RUNX1T1: variants seen among roughly 807,000 people sequenced by gnomAD.
RUNX1T1 encodes RUNX1 partner transcriptional co-repressor 1, also known as protein CBFA2T1.
RUNX1T1 carries 4 observed loss-of-function variants against 62.8 expected under a neutral mutation model. That is an observed-to-expected ratio of 0.06 (90% CI 0.03 to 0.15). The LOEUF (loss-of-function observed/expected upper bound fraction) is 0.15, where lower values mean the gene tolerates loss of function less well. Ranked by LOEUF, RUNX1T1 falls within the 10% of genes least tolerant of loss-of-function variation. The pLI is 1.00. For missense variants in RUNX1T1, 508 were observed against 754.3 expected (o/e 0.67, Z 3.82); for synonymous variants, 291 against 286.0 (o/e 1.02, Z -0.18).
intron 1 of RUNX1T1, among the ~76,000 whole-genome samples, chr8:92,028,874 A>C (rs1238601790): frequency 1.3e-5 from 2 of 152,230 alleles, no homozygotes; most frequent in African/African-American, 2.4e-5. Flanking sequence ...GTAAAAAAAA[A>C]CAAACAAAAA....
chr8:91,992,306 C>T (rs1401856400), intron 5 of RUNX1T1, among the ~76,000 whole-genome samples: 4 of 152,162 alleles, frequency 2.6e-5, no homozygotes, highest in African/African-American at 7.2e-5. Context: ...ACTTAAGGTA[C>T]ACCTATTCCA....
intron 10 of RUNX1T1, among the ~76,000 whole-genome samples, chr8:91,965,915 A>G (rs1204864062): frequency 1.3e-5 from 2 of 151,864 alleles, no homozygotes; most frequent in Non-Finnish European, 2.9e-5. Flanking sequence ...CTTTTCTTTT[A>G]ATAAAATACT....
At chr8:92,000,119 A>T (rs943290637) in intron 5 of RUNX1T1, among the ~76,000 whole-genome samples, 5 of 152,110 alleles carry the variant, frequency 3.3e-5, no homozygotes, top group African/African-American at 1.2e-4. Context: ...CGGCCTGGCC[A>T]ATATGGTGAA....
chr8:92,082,127 C>T (rs1053886443), intron 1 of RUNX1T1, among the ~76,000 whole-genome samples: 23 of 152,096 alleles, frequency 1.5e-4, no homozygotes, highest in Admixed American at 4.6e-4. Context: ...CCTCGTGATC[C>T]GCCCGCCTCA....
Position 91,959,412 on chromosome 8 carries a change from T to TTC in RUNX1T1, c.*829_*830insGA, listed in dbSNP as rs59769893. 518 of 139,430 alleles carry TTC rather than the reference T, an allele frequency of 3.7e-3. 25 individuals carry two copies. Among genetic ancestry groups the TTC allele is most frequent in the African/African-American group, 0.022 (466 of 21,044 alleles). 8.6% of individuals were successfully genotyped at this position (139,430 alleles called of 1,614,324 possible). A position where few individuals can be genotyped will look rare whatever the true frequency, so the allele number is the denominator to read the frequency against. ...ATTAACTGCAGGCTGAGTCTCTTAC[T>TTC]TGTGTGTGTGTGTGTGTGTGTGTGT... On this transcript the variant is annotated 3_prime_UTR_variant, in exon 11 of 11. Coordinates refer to ENST00000396218, the Ensembl canonical transcript of RUNX1T1.
At chr8:92,060,690 C>G (rs1289898095) in intron 1 of RUNX1T1, among the ~76,000 whole-genome samples, 1 of 151,072 alleles carries the variant, frequency 6.6e-6, no homozygotes, top group Non-Finnish European at 1.5e-5. Context: ...ATAAAACCTG[C>G]CCAAGATGGC....
intron 8 of RUNX1T1, among the ~76,000 whole-genome samples, chr8:91,978,086 A>T (rs1814378246): frequency 6.7e-6 from 1 of 150,218 alleles, no homozygotes; most frequent in Admixed American, 6.7e-5. Context: ...GCCTATAAAC[A>T]TTTTTTTTTT....
At chr8:92,091,756 G>A (rs1203334295) in intron 1 of RUNX1T1, among the ~76,000 whole-genome samples, 1 of 152,068 alleles carries the variant, frequency 6.6e-6, no homozygotes, top group Admixed American at 6.6e-5. Context: ...CTGTTCTTTG[G>A]GCTTGAAACT....
chr8:92,018,137 A>G (rs934102578), intron 1 of RUNX1T1, among the ~76,000 whole-genome samples: 1 of 152,172 alleles, frequency 6.6e-6, no homozygotes, highest in African/African-American at 2.4e-5. Context: ...GATATGAAGA[A>G]ATTTCCTGAT....
chr8:92,092,116 C>T (rs1837117055), intron 1 of RUNX1T1, among the ~76,000 whole-genome samples: 1 of 152,164 alleles, frequency 6.6e-6, no homozygotes. Context: ...CAGTATTGAA[C>T]CTCATCCAAA....
At chr8:92,078,089 G>A (rs566853157) in intron 1 of RUNX1T1, among the ~76,000 whole-genome samples, 7 of 151,888 alleles carry the variant, frequency 4.6e-5, no homozygotes, top group East Asian at 3.9e-4. Context: ...TTAACATAGT[G>A]TACAAATACA....
In RUNX1T1 at chr8:92,034,795, T is replaced by TACACACAC. The variant is rs763510689; in HGVS notation, c.8-17433_8-17432insGTGTGTGT. 4.9e-4 allele frequency among the ~76,000 whole-genome samples: 36 copies of TACACACAC among 73,470 alleles called. 1 individual carries two copies. Among genetic ancestry groups the TACACACAC allele is most frequent in the Non-Finnish European group, 5.5e-4 (18 of 32,890 alleles). The allele number at this position is 73,470 out of a possible 152,430, so 48.2% of individuals were successfully genotyped here. ...ATATATACACATATATATATACATA[T>TACACACAC]ATACACACACACACACACACACACA... is the stretch of plus-strand genomic sequence containing the variant. On this transcript the variant is annotated intron_variant, in intron 1 of 10. Coordinates refer to ENST00000396218, the Ensembl canonical transcript of RUNX1T1.
intron 3 of RUNX1T1, 62 bp from the exon 5 acceptor site, chr8:92,011,153 CAAAT>C (rs769005289): frequency 1.1e-6 from 1 of 897,728 alleles, no homozygotes; most frequent in African/African-American, 1.7e-5. Context: ...AAAACACAAA[CAAAT>C]TAATTATTAA....
chr8:92,060,101 T>C (rs1416617433), intron 1 of RUNX1T1, among the ~76,000 whole-genome samples: 1 of 152,170 alleles, frequency 6.6e-6, no homozygotes, highest in Non-Finnish European at 1.5e-5. Context: ...AACAATATAA[T>C]GCCCAAGGTC....
At chr8:92,022,351 C>T (rs1328378238) in intron 1 of RUNX1T1, among the ~76,000 whole-genome samples, 1 of 152,100 alleles carries the variant, frequency 6.6e-6, no homozygotes, top group Non-Finnish European at 1.5e-5. Context: ...TTCAACTTTG[C>T]AACTAACTTA....
intron 1 of RUNX1T1, 111 bp from the exon 3 acceptor site, chr8:92,017,474 A>G: frequency 3.8e-6 from 6 of 1,568,694 alleles, no homozygotes; most frequent in Non-Finnish European, 5.2e-6. Flanking sequence ...AACATCTTCT[A>G]TCAATAAAAT....
chr8:92,085,967 T>C (rs1318561845), intron 1 of RUNX1T1, among the ~76,000 whole-genome samples: 1 of 152,210 alleles, frequency 6.6e-6, no homozygotes, highest in East Asian at 1.9e-4. Flanking sequence ...GTAAAATGGA[T>C]AGACATTTCT....
At chr8:91,961,379 G>A (rs1308875956) in intron 10 of RUNX1T1, among the ~76,000 whole-genome samples, 2 of 152,226 alleles carry the variant, frequency 1.3e-5, no homozygotes, top group Non-Finnish European at 2.9e-5. Context: ...GCTCCTGTGT[G>A]CCTCAGCAAC....
At chr8:91,999,813 T>G (rs1819419830) in intron 5 of RUNX1T1, among the ~76,000 whole-genome samples, 1 of 152,112 alleles carries the variant, frequency 6.6e-6, no homozygotes, top group Admixed American at 6.5e-5. Flanking sequence ...GGCCATGAGG[T>G]ATTAATAGAA....
Sources: gnomAD v4.1 joint callset for allele counts (sites outside exome capture counted in the v4.1 genomes callset) on GRCh38, gnomAD v4.1.1 for gene constraint, MANE v1.5 for transcripts, NCBI Gene and HGNC (gene_info 2026-07-23, HGNC 2026-07-21) for gene names.